Variants in PDLIM3 observed in about 807,000 individuals in gnomAD.
PDLIM3 encodes PDZ and LIM domain protein 3.
In PDLIM3, 36 loss-of-function variants were observed where a neutral mutation model predicts 37.3. The ratio of observed to expected loss-of-function variants is 0.97; its 90% confidence interval spans 0.74 to 1.28. The LOEUF (loss-of-function observed/expected upper bound fraction) is 1.28, where lower values mean the gene tolerates loss of function less well. Among genes scored for constraint, PDLIM3 ranks in the 50% most tolerant of loss-of-function variants. The pLI is 0.00. For missense variants in PDLIM3, 454 were observed against 485.0 expected (o/e 0.94, Z 0.60); for synonymous variants, 174 against 182.4 (o/e 0.95, Z 0.37).
intron 7 of PDLIM3, among the ~76,000 whole-genome samples, chr4:185,502,949 C>T (rs116849403): frequency 2.0e-5 from 3 of 152,232 alleles, no homozygotes; most frequent in East Asian, 1.9e-4. Context: ...CAAAGACGAC[C>T]GGGCGTGGTG....
intron 6 of PDLIM3, among the ~76,000 whole-genome samples, chr4:185,505,146 CTG>C (rs1267170021): frequency 6.6e-6 from 1 of 152,236 alleles, no homozygotes; most frequent in Non-Finnish European, 1.5e-5. Context: ...CTCTTTGTGT[CTG>C]GCTTCTTTCA....
chr4:185,514,710 G>A lies in PDLIM3; in HGVS notation c.331-373C>T. The A allele has an allele frequency of 6.4e-7, 1 of 1,551,908 alleles. No individual in the cohort carries two copies. Among genetic ancestry groups the A allele is most frequent in the Non-Finnish European group, 8.7e-7 (1 of 1,146,940 alleles). ...ACAGAGCCGGATACTTACTTTTGAG[G>A]TGAGCTAGGAATGAGACCCCGCAGC... On this transcript the variant is annotated intron_variant, in intron 3 of 7. Transcript: ENST00000284767. This position sits in a 1 kb window ranked among gnomAD's most constrained non-coding sequence, Gnocchi z 4.0.
Position 185,502,158 on chromosome 4 carries a change from T to C in PDLIM3, c.*136A>G. The C allele has an allele frequency of 2.2e-6, 2 of 895,668 alleles. No individual in the cohort carries two copies. Among genetic ancestry groups the C allele is most frequent in the East Asian group, 2.6e-5 (1 of 39,078 alleles). The allele number at this position is 895,668 out of a possible 1,614,324, so 55.5% of individuals were successfully genotyped here. A position where few individuals can be genotyped will look rare whatever the true frequency, so the allele number is the denominator to read the frequency against. On this transcript the variant is annotated 3_prime_UTR_variant, in exon 8 of 8. Coordinates refer to ENST00000284767, the MANE Select transcript of PDLIM3 (RefSeq NM_014476.6). ...CCCATTCCTTTTCCTCAATAAACAA[T>C]AGGATAAAGGTCTAAAGCCTTGACT...
intron 7 of PDLIM3, among the ~76,000 whole-genome samples, chr4:185,503,340 A>T (rs1305764513): frequency 6.6e-6 from 1 of 152,158 alleles, no homozygotes; most frequent in Non-Finnish European, 1.5e-5. Context: ...GTTTATTCCA[A>T]CTTAGGCACA....
chr4:185,504,042 T>A lies in PDLIM3; in HGVS notation c.905+433A>T, dbSNP rs907627658. 1.5e-5 allele frequency among the ~76,000 whole-genome samples: 1 copy of A among 66,242 alleles called. No individual in the cohort carries two copies. Among genetic ancestry groups the A allele is most frequent in the African/African-American group, 4.0e-5 (1 of 25,076 alleles). 43.5% of individuals were successfully genotyped at this position (66,242 alleles called of 152,430 possible). A position where few individuals can be genotyped will look rare whatever the true frequency, so the allele number is the denominator to read the frequency against. The stretch of plus-strand genomic sequence containing the variant: ...ACTTACACTGGGTAAGGATAATGTA[T>A]TTTAAGTAACATCCTGTTGCCTGTA... On this transcript the variant is annotated intron_variant, in intron 7 of 7. Transcript: ENST00000284767. The surrounding 1 kb of genome is among the most constrained non-coding windows in gnomAD (Gnocchi z 4.7).
chr4:185,501,129 G>T lies in PDLIM3; in HGVS notation c.*1165C>A, dbSNP rs1368315095. ...GAGAGGCAAGGTAACGCCATGCAGA[G>T]CCTGCAAGGTAGGCTGCCTGCGCCA... On this transcript the variant is annotated 3_prime_UTR_variant, in exon 8 of 8. Transcript: ENST00000284767. 6.6e-6 allele frequency: 1 copy of T among 152,294 alleles called. No individual in the cohort carries two copies. The highest frequency in any genetic ancestry group is 1.5e-5 in the Non-Finnish European group (1 of 68,120). 9.4% of individuals were successfully genotyped at this position (152,294 alleles called of 1,614,324 possible).
At chr4:185,508,950 G>T (rs1339917866) in intron 4 of PDLIM3, among the ~76,000 whole-genome samples, 2 of 152,218 alleles carry the variant, frequency 1.3e-5, no homozygotes, top group Admixed American at 6.5e-5. Context: ...AGTGATGAAG[G>T]AAAATTACAT....
intron 4 of PDLIM3, among the ~76,000 whole-genome samples, chr4:185,508,991 G>A (rs902655101): frequency 6.6e-6 from 1 of 152,196 alleles, no homozygotes; most frequent in African/African-American, 2.4e-5. Context: ...TTTCTGAAGT[G>A]CAACATTTAA....
At chr4:185,512,927 G>C (rs377271123) in intron 4 of PDLIM3, 9 of 985,320 alleles carry the variant, frequency 9.1e-6, no homozygotes, top group Non-Finnish European at 1.1e-5. Flanking sequence ...GAGAGAAGCA[G>C]GAGAGGACAC....
At chr4:185,532,246 T>C (rs1010945460) in intron 1 of PDLIM3, among the ~76,000 whole-genome samples, 30 of 152,350 alleles carry the variant, frequency 2.0e-4, no homozygotes, top group African/African-American at 7.0e-4. Flanking sequence ...ATTCATACCG[T>C]GTCTATATTT....
intron 1 of PDLIM3, among the ~76,000 whole-genome samples, chr4:185,530,608 G>A (rs1359422698): frequency 6.6e-6 from 1 of 152,140 alleles, no homozygotes; most frequent in Admixed American, 6.5e-5. Context: ...CTTATTCACG[G>A]TTTTATTTTC....
At chr4:185,526,829 C>T (rs2095735040) in intron 1 of PDLIM3, among the ~76,000 whole-genome samples, 1 of 152,186 alleles carries the variant, frequency 6.6e-6, no homozygotes, top group Non-Finnish European at 1.5e-5. Flanking sequence ...CCTTACTCTT[C>T]ACTCCTTCTC....
At position 185,510,187 on chromosome 4, in the gene PDLIM3, T is replaced by A. The variant is rs558003508; in HGVS notation, c.399-1625A>T. Reference sequence around the variant, plus strand: ...TGCAGTTTAGTCAGGATCATGTGGATTTAACCTGAGTGTAATGAAGCTTAT... The same window carrying A: ...TGCAGTTTAGTCAGGATCATGTGGAATTAACCTGAGTGTAATGAAGCTTAT... On this transcript the variant is annotated intron_variant, in intron 4 of 7. Coordinates refer to ENST00000284767, the MANE Select transcript of PDLIM3 (RefSeq NM_014476.6). Among the ~76,000 whole-genome samples the A allele has an allele frequency of 2.0e-5, 3 of 152,308 alleles. No homozygotes were observed. In the South Asian group the frequency reaches 6.2e-4, roughly 32 times the overall value.
intron 7 of PDLIM3, 60 bp from the exon 8 acceptor site, chr4:185,502,543 G>C: frequency 6.7e-7 from 1 of 1,481,992 alleles, no homozygotes; most frequent in Non-Finnish European, 9.4e-7. Context: ...ATGAGACAAA[G>C]GAGAGAACCC....
At chr4:185,506,491 T>C in intron 6 of PDLIM3, 31 bp downstream of exon 6, 1 of 1,612,984 alleles carries the variant, frequency 6.2e-7, no homozygotes, top group Non-Finnish European at 8.5e-7. Flanking sequence ...CCTCTATCAA[T>C]ACGTTTCAGC....
In PDLIM3 at chr4:185,502,045, T is replaced by C; in HGVS notation, c.*249A>G. 1 of 539,158 alleles carries C rather than the reference T, an allele frequency of 1.9e-6. No individual in the cohort carries two copies. Among genetic ancestry groups the C allele is most frequent in the Non-Finnish European group, 3.3e-6 (1 of 299,046 alleles). 33.4% of individuals were successfully genotyped at this position (539,158 alleles called of 1,614,324 possible). On this transcript the variant is annotated 3_prime_UTR_variant, in exon 8 of 8. Transcript: ENST00000284767. ...GTGGAGTATGACATACAAAAAATTA[T>C]TGCTTTAAATATCATTATTGCTAGC...
intron 1 of PDLIM3, among the ~76,000 whole-genome samples, chr4:185,530,473 T>C (rs574230733): frequency 6.6e-6 from 1 of 152,270 alleles, no homozygotes; most frequent in Middle Eastern, 3.4e-3. Flanking sequence ...GTGCTCTGCA[T>C]AGGAAGGAGG....
intron 1 of PDLIM3, among the ~76,000 whole-genome samples, chr4:185,528,769 A>G (rs1461091364): frequency 3.3e-5 from 5 of 152,214 alleles, no homozygotes; most frequent in Non-Finnish European, 7.3e-5. Flanking sequence ...GGAAATAGAG[A>G]GAGGAATGAG....
intron 5 of PDLIM3, among the ~76,000 whole-genome samples, chr4:185,507,709 T>G (rs1041914687): frequency 6.6e-6 from 1 of 152,014 alleles, no homozygotes; most frequent in African/African-American, 2.4e-5. Flanking sequence ...AAAGAAAAAA[T>G]TAGTCAAAAA....
Sources: gnomAD v4.1 joint callset for allele counts (sites outside exome capture counted in the v4.1 genomes callset) on GRCh38, gnomAD v4.1.1 for gene constraint, Gnocchi (gnomAD v3.1) non-coding constraint, MANE v1.5 for transcripts, NCBI Gene and HGNC (gene_info 2026-07-23, HGNC 2026-07-21) for gene names.